Variants in CORO1C observed in about 807,000 individuals in gnomAD.
CORO1C encodes the protein coronin 1C, also known as coronin-1C.
In CORO1C, 14 loss-of-function variants were observed where a neutral mutation model predicts 51.2. The ratio of observed to expected loss-of-function variants is 0.27; its 90% CI spans 0.18 to 0.43. The LOEUF (loss-of-function observed/expected upper bound fraction) is 0.43, where lower values mean the gene tolerates loss of function less well. Among genes scored for constraint, CORO1C ranks in the 20% least tolerant of loss-of-function variants. CORO1C has a pLI of 1.00. For synonymous variants in CORO1C, 181 were observed against 210.5 expected (o/e 0.86, Z 1.21); for missense variants, 417 against 607.8 (o/e 0.69, Z 3.30).
intron 4 of CORO1C, among the ~76,000 whole-genome samples, chr12:108,659,785 G>A (rs2033179167): frequency 6.6e-6 from 1 of 152,214 alleles, no homozygotes; most frequent in Non-Finnish European, 1.5e-5. Flanking sequence ...AGTAAGGCCT[G>A]TTTGCTCACA....
At chr12:108,654,595 G>A (rs2032847665) in intron 6 of CORO1C, among the ~76,000 whole-genome samples, 185 bp from the exon 7 acceptor site, 1 of 152,080 alleles carries the variant, frequency 6.6e-6, no homozygotes, top group Non-Finnish European at 1.5e-5. Flanking sequence ...TGCTAAATGA[G>A]ATCCAACTCA....
At position 108,658,109 on chromosome 12, in the gene CORO1C, A is replaced by G. The variant is rs6539449; in HGVS notation, c.630+629T>C. On this transcript the variant is annotated intron_variant, in intron 5 of 10. Transcript: ENST00000261401. The surrounding 1 kb of genome is among the most constrained non-coding windows in gnomAD (Gnocchi z 4.9). ...TGTCCATCTTTTGTCAAGGTATGTG[A>G]TTTTGTTGAGGTCCAGTTTGGGTGG... is the stretch of plus-strand genomic sequence containing the variant. Among the ~76,000 whole-genome samples, 166 of 152,304 alleles carry G rather than the reference A, an allele frequency of 1.1e-3. 1 individual carries two copies. The highest frequency in any genetic ancestry group is 3.8e-3 in the African/African-American group (158 of 41,570).
At chr12:108,723,723 C>A (rs2035526661) in intron 1 of CORO1C, among the ~76,000 whole-genome samples, 1 of 152,192 alleles carries the variant, frequency 6.6e-6, no homozygotes, top group Non-Finnish European at 1.5e-5. Flanking sequence ...AATAATCAAC[C>A]TTTGCTAATC....
Position 108,645,909 on chromosome 12 carries a change from G to A in CORO1C, c.*1494C>T, listed in dbSNP as rs1338882619. On this transcript the variant is annotated 3_prime_UTR_variant, in exon 11 of 11. Coordinates refer to ENST00000261401, the MANE Select transcript of CORO1C (RefSeq NM_014325.4). ...TCCCAAGCATGCACTATAAGAAACT[G>A]GAAACGGGGCAAAGTTCCAGCTAAC... 6.6e-6 allele frequency: 1 copy of A among 152,260 alleles called. No individual in the cohort carries two copies. The allele number at this position is 152,260 out of a possible 1,614,324, so 9.4% of individuals were successfully genotyped here.
intron 1 of CORO1C, among the ~76,000 whole-genome samples, chr12:108,725,349 T>A (rs1489779164): frequency 6.6e-6 from 1 of 152,220 alleles, no homozygotes; most frequent in East Asian, 1.9e-4. Flanking sequence ...TAACAGACAT[T>A]TAAGAGAGAA....
intron 1 of CORO1C, among the ~76,000 whole-genome samples, chr12:108,713,849 G>T (rs1218539142): frequency 1.3e-5 from 2 of 152,122 alleles, no homozygotes; most frequent in Non-Finnish European, 2.9e-5. Context: ...CTGTCCTGTG[G>T]GTGCTGCTTT....
At chr12:108,701,510 G>C (rs1011643455) in intron 1 of CORO1C, 187 bp from the exon 2 acceptor site, 28 of 744,164 alleles carry the variant, frequency 3.8e-5, no homozygotes, top group Non-Finnish European at 5.3e-5. Context: ...TGCAAAATGC[G>C]TCAGGGAAAG....
chr12:108,714,719 C>T (rs2035280894), intron 1 of CORO1C, among the ~76,000 whole-genome samples: 1 of 151,676 alleles, frequency 6.6e-6, no homozygotes. Context: ...GCCAAGATCA[C>T]GACACTGCAC....
chr12:108,648,426 C>T (rs2032476329), intron 10 of CORO1C, among the ~76,000 whole-genome samples, 179 bp downstream of exon 10: 1 of 152,126 alleles, frequency 6.6e-6, no homozygotes, highest in African/African-American at 2.4e-5. Flanking sequence ...TTAAAGGAGG[C>T]AAGTGTTGCC....
At chr12:108,656,631 TA>T (rs1171460179) in intron 6 of CORO1C, among the ~76,000 whole-genome samples, 1 of 152,192 alleles carries the variant, frequency 6.6e-6, no homozygotes, top group Non-Finnish European at 1.5e-5. Flanking sequence ...GGGGAAAGGA[TA>T]GAGAAATCAG....
At chr12:108,656,433 G>A (rs1219310587) in intron 6 of CORO1C, among the ~76,000 whole-genome samples, 1 of 149,738 alleles carries the variant, frequency 6.7e-6, no homozygotes, top group East Asian at 2.0e-4. Flanking sequence ...GGGAGGTGGG[G>A]GGTCAGCCTC....
intron 2 of CORO1C, among the ~76,000 whole-genome samples, chr12:108,692,942 C>T (rs551997883): frequency 1.2e-4 from 18 of 152,028 alleles, no homozygotes; most frequent in Admixed American, 9.8e-4. Context: ...CGATAACAGG[C>T]GTGTGCCACC....
rs202228272 is a variant in CORO1C at position 108,652,055 on chromosome 12, C to CTT, written c.1001+215_1001+216dup. 237 of 142,844 alleles carry CTT rather than the reference C, an allele frequency of 1.7e-3. 2 individuals are homozygous for CTT. The highest frequency in any genetic ancestry group is 7.5e-3 in the East Asian group (28 of 3,728). 8.8% of individuals were successfully genotyped at this position (142,844 alleles called of 1,614,324 possible). ...AAAAAAAGTGAGATTTTTTTCTTTT[C>CTT]TTTTTTTTTTTTTTTTGAGATTTTT... On this transcript the variant is annotated intron_variant, in intron 8 of 10. Coordinates refer to ENST00000261401, the MANE Select transcript of CORO1C (RefSeq NM_014325.4).
chr12:108,701,104 T>A lies in CORO1C; in HGVS notation c.195+20A>T, dbSNP rs778834106. ...GACTATCAGAGGGTGTCTACCAGAA[T>A]GGAAGATCAAATTACCTACCTTGTG... On this transcript the variant is annotated intron_variant, in intron 2 of 10. Coordinates refer to ENST00000261401, the MANE Select transcript of CORO1C (RefSeq NM_014325.4). 6 of 1,613,104 alleles carry A rather than the reference T, an allele frequency of 3.7e-6. No homozygotes were observed. The highest frequency in any genetic ancestry group is 5.1e-6 in the Non-Finnish European group (6 of 1,179,096).
At chr12:108,701,894 C>G (rs1211542114) in intron 1 of CORO1C, 2 of 163,008 alleles carry the variant, frequency 1.2e-5, no homozygotes, top group Admixed American at 1.2e-4. Flanking sequence ...TCAAAAGACA[C>G]AGCCATCACC....
chr12:108,674,351 A>C (rs2033826101), intron 3 of CORO1C, among the ~76,000 whole-genome samples: 1 of 152,186 alleles, frequency 6.6e-6, no homozygotes, highest in Admixed American at 6.5e-5. Flanking sequence ...GATGGAGACC[A>C]TCCTGGCTAA....
chr12:108,648,516 C>A, intron 10 of CORO1C, 89 bp downstream of exon 10: 1 of 1,558,422 alleles, frequency 6.4e-7, no homozygotes, highest in Non-Finnish European at 8.8e-7. Flanking sequence ...CCAGCTGGGA[C>A]AGTACTCGCC....
chr12:108,695,362 C>T (rs973301678), intron 2 of CORO1C, among the ~76,000 whole-genome samples: 5 of 152,170 alleles, frequency 3.3e-5, no homozygotes, highest in African/African-American at 1.2e-4. Context: ...CCACCTACCA[C>T]AATATAGTAA....
At chr12:108,692,660 A>C (rs182379974) in intron 2 of CORO1C, among the ~76,000 whole-genome samples, 2 of 152,352 alleles carry the variant, frequency 1.3e-5, no homozygotes, top group East Asian at 3.9e-4. Flanking sequence ...CATGGTATAG[A>C]CCAAGTACTT....
Sources: gnomAD v4.1 joint callset for allele counts (sites outside exome capture counted in the v4.1 genomes callset) on GRCh38, gnomAD v4.1.1 for gene constraint, Gnocchi (gnomAD v3.1) non-coding constraint, MANE v1.5 for transcripts, NCBI Gene and HGNC (gene_info 2026-07-23, HGNC 2026-07-21) for gene names.